The following PCTP variants were observed in gnomAD, a reference collection of about 807,000 sequenced individuals.
PCTP encodes the protein phosphatidylcholine transfer protein, also known as START domain-containing protein 2.
In PCTP, 27 loss-of-function variants were observed where a neutral mutation model predicts 31.0. The ratio of observed to expected loss-of-function variants is 0.87; its 90% CI spans 0.64 to 1.20. PCTP has a LOEUF of 1.20. PCTP is among the 50% of genes most tolerant of loss of function. PCTP has a pLI of 0.00. For missense variants in PCTP, 287 were observed against 268.2 expected (o/e 1.07, Z -0.49); for synonymous variants, 108 against 101.2 (o/e 1.07, Z -0.40).
At chr17:55,814,650 A>T (rs1364622939) in intron 3 of PCTP, among the ~76,000 whole-genome samples, 5 of 152,246 alleles carry the variant, frequency 3.3e-5, no homozygotes, top group Non-Finnish European at 7.3e-5. Flanking sequence ...GAAAGTTGGC[A>T]GCTTCCCGAA....
At chr17:55,827,767 C>A (rs1905451557), downstream of PCTP, among the ~76,000 whole-genome samples, 1 of 152,132 alleles carries the variant, frequency 6.6e-6, no homozygotes, top group African/African-American at 2.4e-5. Flanking sequence ...CAGGTGTTTT[C>A]TTTTTTCAGT....
chr17:55,755,847 G>T (rs1909988823), intron 1 of PCTP, among the ~76,000 whole-genome samples: 1 of 152,134 alleles, frequency 6.6e-6, no homozygotes. Flanking sequence ...AGGCAAAAAT[G>T]GGCTTACTTT....
downstream of PCTP, among the ~76,000 whole-genome samples, chr17:55,778,704 G>A (rs1384175212): frequency 6.6e-6 from 1 of 152,092 alleles, no homozygotes; most frequent in Non-Finnish European, 1.5e-5. Context: ...TGGCTTTGCT[G>A]GTGTGGCTAT....
At chr17:55,792,073 G>T (rs1013304267) in intron 3 of PCTP, among the ~76,000 whole-genome samples, 2 of 144,386 alleles carry the variant, frequency 1.4e-5, no homozygotes, top group Non-Finnish European at 3.0e-5. Flanking sequence ...ACCAAACACC[G>T]CATATTCTCA....
chr17:55,767,375 A>T lies in PCTP; in HGVS notation c.182A>T (p.Glu61Val). The change falls in exon 2 of 6, where the codon GAG becomes GTG. Residue 61 changes from glutamate to valine, a missense_variant. Glu to Val is a moderately radical substitution (Grantham distance 121). Transcript: ENST00000268896. ...GAGTATAAAGTCTTTGGTGTTCTGGAGGACTGCTCACCAACTCTACTGGCA... is the reference window on the plus strand; with the variant it reads ...GAGTATAAAGTCTTTGGTGTTCTGGTGGACTGCTCACCAACTCTACTGGCA... ...LYEYKVFGVL[E>V]DCSPTLLADI... 6.2e-7 allele frequency: 1 copy of T among 1,613,272 alleles called. No homozygotes were observed. The highest frequency in any genetic ancestry group is 8.5e-7 in the Non-Finnish European group (1 of 1,179,322).
chr17:55,754,879 ATGTG>A (rs1323726592), intron 1 of PCTP, among the ~76,000 whole-genome samples: 1 of 152,134 alleles, frequency 6.6e-6, no homozygotes, highest in Non-Finnish European at 1.5e-5. Flanking sequence ...TGGAGTATGT[ATGTG>A]GGTGTGTGTG....
At chr17:55,757,187 TACAC>T (rs1001121962) in intron 1 of PCTP, among the ~76,000 whole-genome samples, 1 of 151,454 alleles carries the variant, frequency 6.6e-6, no homozygotes, top group Non-Finnish European at 1.5e-5. Context: ...AGAATATATA[TACAC>T]ACACATGCTT....
intron 3 of PCTP, among the ~76,000 whole-genome samples, chr17:55,801,208 A>T: frequency 6.6e-6 from 1 of 152,196 alleles, no homozygotes; most frequent in East Asian, 1.9e-4. Flanking sequence ...ACCCAGATGT[A>T]TAAAGCAAAT....
chr17:55,757,388 A>G (rs993480435), intron 1 of PCTP, among the ~76,000 whole-genome samples: 3 of 151,214 alleles, frequency 2.0e-5, no homozygotes, highest in African/African-American at 7.3e-5. Flanking sequence ...ATTTCATTCA[A>G]TCGTCTCAAC....
At chr17:55,798,146 G>A (rs1912244445) in intron 3 of PCTP, among the ~76,000 whole-genome samples, 1 of 151,956 alleles carries the variant, frequency 6.6e-6, no homozygotes, top group Non-Finnish European at 1.5e-5. Flanking sequence ...CTTACTGAAT[G>A]TAAAAATGTC....
downstream of PCTP, chr17:55,777,529 A>G (rs1200770625): frequency 2.2e-5 from 8 of 364,930 alleles, no homozygotes; most frequent in Middle Eastern, 1.4e-3. Context: ...AGGTGTAGGT[A>G]TCTTCATGTA....
At chr17:55,767,552 C>T in intron 2 of PCTP, 100 bp downstream of exon 2, 1 of 734,312 alleles carries the variant, frequency 1.4e-6, no homozygotes, top group Non-Finnish European at 2.2e-6. Flanking sequence ...GCAATCTCCG[C>T]CTCCTGGGTT....
intron 3 of PCTP, among the ~76,000 whole-genome samples, chr17:55,805,886 A>ATGTGTGTGTGTGTGTGTG (rs58345619): frequency 0.011 from 1,564 of 142,822 alleles, 13 homozygotes; most frequent in East Asian, 0.032. Flanking sequence ...CTCAATCTGT[A>ATGTGTGTGTGTGTGTGTG]TGTGTGTGTG....
In PCTP at chr17:55,776,099, A is replaced by G. The variant is rs1278343572; in HGVS notation, c.644A>G (p.Ter215=). ...TGTCAGAACTACCTCAAGAAAACCTAAGAAAGAGAACTGGGAACATTGCAT... is the reference window on the plus strand; with the variant it reads ...TGTCAGAACTACCTCAAGAAAACCTGAGAAAGAGAACTGGGAACATTGCAT... ...RACQNYLKKT[*] The change falls in exon 6 of 6, where the codon TAA becomes TGA. Residue 215 remains the stop codon, a stop_retained_variant. Coordinates refer to ENST00000268896, the MANE Select transcript of PCTP (RefSeq NM_021213.4). 1.9e-6 allele frequency: 3 copies of G among 1,613,888 alleles called. No homozygotes were observed. Among genetic ancestry groups the G allele is most frequent in the Non-Finnish European group, 2.5e-6 (3 of 1,179,960 alleles).
chr17:55,844,463 C>T (rs1318092028), downstream of PCTP, among the ~76,000 whole-genome samples: 1 of 152,096 alleles, frequency 6.6e-6, no homozygotes. Flanking sequence ...TGAACTAATT[C>T]CTGTTAAGCT....
chr17:55,800,264 G>C (rs1182280457), intron 3 of PCTP, among the ~76,000 whole-genome samples: 1 of 151,848 alleles, frequency 6.6e-6, no homozygotes, highest in Non-Finnish European at 1.5e-5. Context: ...CAGAGGTTTT[G>C]TTTGTTCCTT....
At position 55,766,324 on chromosome 17, in the gene PCTP, A is replaced by G. The variant is rs375907145; in HGVS notation, c.142-1011A>G. 1.2e-4 allele frequency among the ~76,000 whole-genome samples: 18 copies of G among 150,572 alleles called. 2 individuals are homozygous for G. The highest frequency in any genetic ancestry group is 9.3e-4 in the Admixed American group (14 of 15,108). On this transcript the variant is annotated intron_variant, in intron 1 of 5. Coordinates refer to ENST00000268896, the MANE Select transcript of PCTP (RefSeq NM_021213.4). Reference sequence around the variant, plus strand: ...TGTGCACAATGTGCAGGTTAGTTACATATGTATACATGTGCCATGCTGGTG... The same window carrying G: ...TGTGCACAATGTGCAGGTTAGTTACGTATGTATACATGTGCCATGCTGGTG...
intron 3 of PCTP, among the ~76,000 whole-genome samples, chr17:55,805,878 C>A (rs1912563009): frequency 8.7e-6 from 1 of 114,772 alleles, no homozygotes; most frequent in Non-Finnish European, 1.7e-5. Flanking sequence ...CTCTCTCTCT[C>A]AATCTGTATG....
At chr17:55,845,085 C>CAAAAAAAAAAAAAAA (rs891404386), downstream of PCTP, among the ~76,000 whole-genome samples, 40 of 32,526 alleles carry the variant, frequency 1.2e-3, 3 homozygotes, top group East Asian at 2.9e-3. Flanking sequence ...AAAACTCCAT[C>CAAAAAAAAAAAAAAA]AAAAAAAAAA....
Sources: allele counts gnomAD v4.1 joint callset (sites outside exome capture counted in the v4.1 genomes callset), GRCh38; gene constraint gnomAD v4.1.1; transcripts MANE v1.5; gene names NCBI Gene and HGNC (gene_info 2026-07-23, HGNC 2026-07-21).